DHRSX: variants seen among roughly 807,000 people sequenced by gnomAD.
DHRSX encodes polyprenol dehydrogenase.
DHRSX carries 31 observed loss-of-function variants against 34.0 expected under a neutral mutation model. The observed-to-expected ratio is 0.91, with a 90% CI of 0.69 to 1.23. The LOEUF is 1.23. Among genes scored for constraint, DHRSX ranks in the 50% most tolerant of loss-of-function variants. The probability of loss-of-function intolerance (pLI) is 0.00; values close to 1 mark genes in which losing one functional copy is unlikely to be tolerated. For missense variants in DHRSX, 414 were observed against 428.1 expected, an observed-to-expected ratio of 0.97 and a Z score of 0.29; for synonymous variants, 201 against 183.8, an observed-to-expected ratio of 1.09 and a Z score of -0.76.
intron 1 of DHRSX, among the ~76,000 whole-genome samples, chrX:2,470,038 C>T (rs983697160): frequency 6.6e-6 from 1 of 151,644 alleles, no homozygotes; most frequent in African/African-American, 2.4e-5. Flanking sequence ...GCAAATGTGG[C>T]ATAGACACAC....
chrX:2,463,456 C>T (rs911328037), intron 1 of DHRSX, among the ~76,000 whole-genome samples: 3 of 150,394 alleles, frequency 2.0e-5, no homozygotes, highest in Admixed American at 6.7e-5. Flanking sequence ...CAAGTCTACA[C>T]GGATATAAAG....
intron 5 of DHRSX, 32 bp from the exon 6 acceptor site, chrX:2,243,262 C>T: frequency 6.3e-7 from 1 of 1,598,196 alleles, no homozygotes; most frequent in South Asian, 1.1e-5. Flanking sequence ...GTGTAAGAGG[C>T]TGACGGCGTT....
At chrX:2,246,980 G>A (rs1179230397) in intron 5 of DHRSX, among the ~76,000 whole-genome samples, 2 of 152,070 alleles carry the variant, frequency 1.3e-5, no homozygotes, top group Non-Finnish European at 2.9e-5. Flanking sequence ...AAGGAGTCTT[G>A]CTCTGTCACC....
In DHRSX at chrX:2,474,889, G is replaced by C. The variant is rs180801728; in HGVS notation, c.109+25928C>G. ...CACTTAAGACGTTCCCTAAGAATGC[G>C]GCCAAGGGACCGCCACCATGTACAC... On this transcript the variant is annotated intron_variant, in intron 1 of 6. Transcript: ENST00000334651. Among the ~76,000 whole-genome samples, 359 of 150,884 alleles carry C rather than the reference G, an allele frequency of 2.4e-3. 6 individuals carry two copies. The highest frequency in any genetic ancestry group is 7.5e-3 in the African/African-American group (307 of 41,050).
chrX:2,324,680 C>CA (rs1162315718), intron 3 of DHRSX, among the ~76,000 whole-genome samples: 2 of 152,054 alleles, frequency 1.3e-5, no homozygotes, highest in Non-Finnish European at 2.9e-5. Flanking sequence ...ACAGGCAACT[C>CA]AGAGTCTGCC....
intron 1 of DHRSX, among the ~76,000 whole-genome samples, chrX:2,433,542 G>A (rs184630872): frequency 6.6e-6 from 1 of 151,860 alleles, no homozygotes; most frequent in African/African-American, 2.4e-5. Flanking sequence ...GTCCTAATGC[G>A]CTCCCTCTCC....
intron 3 of DHRSX, among the ~76,000 whole-genome samples, chrX:2,343,262 C>A (rs1405801496): frequency 1.3e-5 from 2 of 152,166 alleles, no homozygotes; most frequent in African/African-American, 4.8e-5. Context: ...CTAACTCAGC[C>A]AGAAGCCCCT....
At chrX:2,492,197 G>A (rs1407695992) in intron 1 of DHRSX, among the ~76,000 whole-genome samples, 1 of 152,208 alleles carries the variant, frequency 6.6e-6, no homozygotes, top group Non-Finnish European at 1.5e-5. Flanking sequence ...AAGGGTCTTT[G>A]CAGATGTATT....
chrX:2,461,690 T>A (rs980923736), intron 1 of DHRSX, among the ~76,000 whole-genome samples: 9 of 151,862 alleles, frequency 5.9e-5, no homozygotes, highest in African/African-American at 1.9e-4. Flanking sequence ...CACACACGCG[T>A]GGCACCATGT....
intron 3 of DHRSX, among the ~76,000 whole-genome samples, chrX:2,393,530 G>A (rs1165663864): frequency 4.7e-5 from 6 of 128,642 alleles, no homozygotes; most frequent in Non-Finnish European, 7.9e-5. Context: ...CCGCACACAC[G>A]ACACACAGGG....
At chrX:2,400,989 G>C (rs2043478450) in intron 3 of DHRSX, among the ~76,000 whole-genome samples, 1 of 151,922 alleles carries the variant, frequency 6.6e-6, no homozygotes, top group Non-Finnish European at 1.5e-5. Context: ...ATTGACCAGT[G>C]ATTTCTTTTA....
At chrX:2,287,791 T>G (rs569361986) in intron 4 of DHRSX, among the ~76,000 whole-genome samples, 21 of 152,320 alleles carry the variant, frequency 1.4e-4, no homozygotes, top group African/African-American at 4.1e-4. Flanking sequence ...GCCCCAAAGA[T>G]GTCCACATCC....
intron 3 of DHRSX, among the ~76,000 whole-genome samples, chrX:2,298,646 A>G (rs2041973589): frequency 7.0e-6 from 1 of 142,578 alleles, no homozygotes; most frequent in Admixed American, 6.7e-5. Context: ...ACGAGGTCTT[A>G]TTTTCACTGC....
rs1556457156 is a variant in DHRSX at position 2,298,606 on chromosome X, A to ACACACACACACACACACACACACGCG, written c.287-7004_287-7003insCGCGTGTGTGTGTGTGTGTGTGTGTG. Among the ~76,000 whole-genome samples, 38 of 48,462 alleles carry ACACACACACACACACACACACACGCG rather than the reference A, an allele frequency of 7.8e-4. 4 individuals are homozygous for ACACACACACACACACACACACACGCG. Among genetic ancestry groups the ACACACACACACACACACACACACGCG allele is most frequent in the African/African-American group, 2.1e-3 (38 of 17,710 alleles). 31.8% of individuals were successfully genotyped at this position (48,462 alleles called of 152,430 possible). On this transcript the variant is annotated intron_variant, in intron 3 of 6. Transcript: ENST00000334651. ...TTCTCCTGCAGGCGCGTGTGTACACACACACACACACACACACACACACAC... is the reference window on the plus strand; with the variant it reads ...TTCTCCTGCAGGCGCGTGTGTACACACACACACACACACACACACACACGCGCACACACACACACACACACACACAC...
chrX:2,221,248 A>G lies in DHRSX; in HGVS notation c.805-19T>C, dbSNP rs1390102050. ...CGGGGGTCTGGTGGAAGAAGAAAAG[A>G]AGGCTACGATGAGTCAAATTTCTGA... is the stretch of plus-strand genomic sequence containing the variant. On this transcript the variant is annotated intron_variant, in intron 6 of 6. Transcript: ENST00000334651. 6 of 1,609,916 alleles carry G rather than the reference A, an allele frequency of 3.7e-6. No homozygotes were observed. Among genetic ancestry groups the G allele is most frequent in the Non-Finnish European group, 3.4e-6 (4 of 1,178,006 alleles).
At chrX:2,440,888 G>A (rs981417910) in intron 1 of DHRSX, among the ~76,000 whole-genome samples, 40 of 152,208 alleles carry the variant, frequency 2.6e-4, no homozygotes, top group African/African-American at 7.7e-4. Flanking sequence ...AGTCCTATTC[G>A]TTCTGTCCCT....
intron 4 of DHRSX, among the ~76,000 whole-genome samples, chrX:2,287,296 C>T (rs760258011): frequency 6.6e-6 from 1 of 152,180 alleles, no homozygotes; most frequent in South Asian, 2.1e-4. Context: ...AATAATGGCC[C>T]CAAAGATGTC....
intron 1 of DHRSX, among the ~76,000 whole-genome samples, chrX:2,468,369 C>A (rs1182619187): frequency 6.6e-6 from 1 of 152,204 alleles, no homozygotes; most frequent in Non-Finnish European, 1.5e-5. Context: ...GAGGAGCAGG[C>A]TGGCTGCGTC....
intron 1 of DHRSX, among the ~76,000 whole-genome samples, chrX:2,499,895 T>C (rs1213287671): frequency 6.6e-6 from 1 of 151,882 alleles, no homozygotes; most frequent in Non-Finnish European, 1.5e-5. Flanking sequence ...TTTAAAACAT[T>C]AGTCGGATGC....
Sources: allele counts gnomAD v4.1 joint callset (sites outside exome capture counted in the v4.1 genomes callset), GRCh38; gene constraint gnomAD v4.1.1; transcripts MANE v1.5; gene names NCBI Gene and HGNC (gene_info 2026-07-23, HGNC 2026-07-21).